The following KPNA3 variants were observed in gnomAD, a reference collection of about 807,000 sequenced individuals.
KPNA3 encodes the protein karyopherin subunit alpha 3.
Under a neutral mutation model 73.8 loss-of-function variants are expected in KPNA3, and 13 were observed. The observed-to-expected ratio is 0.18, with a 90% CI of 0.11 to 0.28. The LOEUF (loss-of-function observed/expected upper bound fraction) is 0.28, where lower values mean the gene tolerates loss of function less well. Among genes scored for constraint, KPNA3 ranks in the 10% least tolerant of loss-of-function variants. KPNA3 has a pLI of 1.00. For synonymous variants in KPNA3, 186 were observed against 206.9 expected (o/e 0.90, Z 0.87); for missense variants, 360 against 618.1 (o/e 0.58, Z 4.43).
rs765692615 is a variant in KPNA3, at chr13:49,732,587, A to C, written c.287+18T>G. 6 of 1,587,798 alleles carry C rather than the reference A, an allele frequency of 3.8e-6. No individual in the cohort carries two copies. The African/African-American group carries it at 8.1e-5, about 21-fold the overall frequency. On this transcript the variant is annotated intron_variant, in intron 5 of 16. Coordinates refer to ENST00000261667, the MANE Select transcript of KPNA3 (RefSeq NM_002267.4). Reference sequence around the variant, plus strand: ...TGAGGAATGACATAATTCTCTCTCTAGACAAATTAGTATTTACCTTGCTGC... The same window carrying C: ...TGAGGAATGACATAATTCTCTCTCTCGACAAATTAGTATTTACCTTGCTGC...
At chr13:49,774,657 G>A (rs1231499213) in intron 1 of KPNA3, among the ~76,000 whole-genome samples, 1 of 152,156 alleles carries the variant, frequency 6.6e-6, no homozygotes, top group East Asian at 1.9e-4. Flanking sequence ...GGGATATGTT[G>A]GTTAAATTAT....
intron 1 of KPNA3, among the ~76,000 whole-genome samples, chr13:49,787,972 G>A (rs1167123042): frequency 5.3e-5 from 8 of 152,184 alleles, no homozygotes; most frequent in Admixed American, 3.9e-4. Flanking sequence ...TAGCCATTGC[G>A]CCCAGCCGCT....
At chr13:49,740,317 A>G (rs918618739) in intron 2 of KPNA3, among the ~76,000 whole-genome samples, 1 of 151,986 alleles carries the variant, frequency 6.6e-6, no homozygotes, top group African/African-American at 2.4e-5. Flanking sequence ...GAAAACACTT[A>G]AAATCTACTG....
At chr13:49,720,759 C>T (rs1170648412) in intron 9 of KPNA3, among the ~76,000 whole-genome samples, 1 of 143,868 alleles carries the variant, frequency 7.0e-6, no homozygotes, top group African/African-American at 2.6e-5. Flanking sequence ...AGAGATAACA[C>T]AGTCAACAGT....
chr13:49,792,644 G>C lies in KPNA3; in HGVS notation c.-138C>G. 1 of 511,038 alleles carries C rather than the reference G, an allele frequency of 2.0e-6. No homozygotes were observed. Among genetic ancestry groups the C allele is most frequent in the Admixed American group, 3.5e-5 (1 of 28,868 alleles). The allele number at this position is 511,038 out of a possible 1,614,324, so 31.7% of individuals were successfully genotyped here. A position where few individuals can be genotyped will look rare whatever the true frequency, so the allele number is the denominator to read the frequency against. ...AGCACGTTCTGTGACGCCTCCGAGC[G>C]CGAGGTGGCAGTAGCGCCGGGGGAG... is the stretch of plus-strand genomic sequence containing the variant. On this transcript the variant is annotated 5_prime_UTR_variant, in exon 1 of 17. Transcript: ENST00000261667.
chr13:49,726,147 GT>G (rs1954407475), intron 6 of KPNA3, among the ~76,000 whole-genome samples: 2 of 152,030 alleles, frequency 1.3e-5, no homozygotes, highest in Non-Finnish European at 2.9e-5. Context: ...CTAATATCAA[GT>G]GCTAGTTGAG....
intron 15 of KPNA3, among the ~76,000 whole-genome samples, chr13:49,704,691 CAT>C (rs545451753): frequency 1.5e-3 from 223 of 152,164 alleles, no homozygotes; most frequent in Non-Finnish European, 2.6e-3. Context: ...AGAATTTTAA[CAT>C]ATGTTTCACA....
chr13:49,778,592 TTCTC>T lies in KPNA3; in HGVS notation c.69+13842_69+13845del, dbSNP rs370141407. Among the ~76,000 whole-genome samples the T allele has an allele frequency of 3.0e-3, 455 of 152,372 alleles. 1 individual carries two copies. The highest frequency in any genetic ancestry group is 0.01 in the African/African-American group (433 of 41,582). ...TGCCACATGGGAGTTCAATATATTATTCTCTCTACTTTTACATATGTTTGAAAGT... is the reference window on the plus strand; with the variant it reads ...TGCCACATGGGAGTTCAATATATTATTCTACTTTTACATATGTTTGAAAGT... On this transcript the variant is annotated intron_variant, in intron 1 of 16. Coordinates refer to ENST00000261667, the MANE Select transcript of KPNA3 (RefSeq NM_002267.4).
intron 15 of KPNA3, among the ~76,000 whole-genome samples, chr13:49,703,871 G>A (rs1023062495): frequency 2.0e-5 from 3 of 152,176 alleles, no homozygotes; most frequent in Middle Eastern, 3.4e-3. Context: ...GGGGGAAATC[G>A]TTGCCAAAGT....
intron 1 of KPNA3, among the ~76,000 whole-genome samples, chr13:49,766,453 T>C (rs1170827193): frequency 6.6e-6 from 1 of 152,218 alleles, no homozygotes; most frequent in East Asian, 1.9e-4. Flanking sequence ...CTGTGATATA[T>C]TTCTTCCTGT....
intron 15 of KPNA3, among the ~76,000 whole-genome samples, chr13:49,704,462 T>G (rs965949725): frequency 1.8e-5 from 2 of 110,934 alleles, no homozygotes; most frequent in Non-Finnish European, 4.4e-5. Context: ...AATAAATAAA[T>G]AAATAAATAA....
At chr13:49,757,462 T>G (rs919367979) in intron 1 of KPNA3, among the ~76,000 whole-genome samples, 1 of 152,186 alleles carries the variant, frequency 6.6e-6, no homozygotes, top group Non-Finnish European at 1.5e-5. Flanking sequence ...TTCAATACTA[T>G]TAGCCATTAG....
chr13:49,749,821 G>A (rs1954647432), intron 1 of KPNA3, among the ~76,000 whole-genome samples: 1 of 152,154 alleles, frequency 6.6e-6, no homozygotes, highest in Non-Finnish European at 1.5e-5. Flanking sequence ...TCATATAAAT[G>A]TAAATGGCCA....
chr13:49,787,135 G>A (rs564412057), intron 1 of KPNA3, among the ~76,000 whole-genome samples: 2 of 152,310 alleles, frequency 1.3e-5, no homozygotes, highest in Middle Eastern at 6.8e-3. Context: ...GTCTGGTAGA[G>A]CTAACTGAAT....
intron 1 of KPNA3, among the ~76,000 whole-genome samples, chr13:49,752,488 CAT>C (rs1239143700): frequency 6.6e-6 from 1 of 151,950 alleles, no homozygotes; most frequent in Non-Finnish European, 1.5e-5. Context: ...ACTGAAAAGA[CAT>C]ATACACAAAA....
At chr13:49,734,807 A>C (rs759751203) in intron 2 of KPNA3, among the ~76,000 whole-genome samples, 11 of 152,042 alleles carry the variant, frequency 7.2e-5, no homozygotes, top group Admixed American at 2.0e-4. Context: ...CAAATTTTCT[A>C]TCTCTTCTTG....
chr13:49,750,326 A>C (rs1369619663), intron 1 of KPNA3, among the ~76,000 whole-genome samples: 1 of 152,204 alleles, frequency 6.6e-6, no homozygotes, highest in Non-Finnish European at 1.5e-5. Context: ...TTTGCCCTCA[A>C]ATGCTAAAAT....
At chr13:49,703,485 T>C (rs1381682391) in intron 15 of KPNA3, among the ~76,000 whole-genome samples, 1 of 152,140 alleles carries the variant, frequency 6.6e-6, no homozygotes, top group Non-Finnish European at 1.5e-5. Flanking sequence ...CGGCCAATCT[T>C]ATTAATCTTA....
intron 15 of KPNA3, among the ~76,000 whole-genome samples, chr13:49,702,843 G>A (rs547827144): frequency 6.6e-6 from 1 of 152,284 alleles, no homozygotes; most frequent in East Asian, 1.9e-4. Context: ...CTCCCCCACA[G>A]TGCTTTAATA....
Sources: gnomAD v4.1 joint callset for allele counts (sites outside exome capture counted in the v4.1 genomes callset) on GRCh38, gnomAD v4.1.1 for gene constraint, MANE v1.5 for transcripts, NCBI Gene and HGNC (gene_info 2026-07-23, HGNC 2026-07-21) for gene names.